Variants in ADGRG6 observed in about 807,000 individuals in gnomAD.
The protein encoded by ADGRG6 is G-protein coupled receptor 126.
In ADGRG6, 84 loss-of-function variants were observed where a neutral mutation model predicts 142.4. The ratio of observed to expected loss-of-function variants is 0.59; its 90% CI spans 0.49 to 0.71. The LOEUF (loss-of-function observed/expected upper bound fraction) is 0.71, where lower values mean the gene tolerates loss of function less well. Ranked by LOEUF, ADGRG6 falls within the 30% of genes least tolerant of loss-of-function variation. The pLI is 0.00. For synonymous variants in ADGRG6, 521 were observed against 520.5 expected, an observed-to-expected ratio of 1.00 and a Z score of -0.01; for missense variants, 1,367 against 1,466.6, an observed-to-expected ratio of 0.93 and a Z score of 1.11.
chr6:142,359,697 A>G (rs1005548478), intron 2 of ADGRG6, among the ~76,000 whole-genome samples: 8 of 152,232 alleles, frequency 5.3e-5, no homozygotes, highest in African/African-American at 1.9e-4. Flanking sequence ...CAGAGATTAT[A>G]TCTTGTACAT....
At chr6:142,434,626 G>T (rs1237118205) in intron 22 of ADGRG6, among the ~76,000 whole-genome samples, 1 of 152,078 alleles carries the variant, frequency 6.6e-6, no homozygotes, top group African/African-American at 2.4e-5. Flanking sequence ...CGGCCCTGAA[G>T]AACTTTTTAT....
At position 142,317,773 on chromosome 6, in the gene ADGRG6, C is replaced by CATATATATTTATATATAATATATATATT. The variant is rs1554230456; in HGVS notation, c.103+8147_103+8174dup. Among the ~76,000 whole-genome samples, 569 of 80,266 alleles carry CATATATATTTATATATAATATATATATT rather than the reference C, an allele frequency of 7.1e-3. 10 individuals carry two copies. Among genetic ancestry groups the CATATATATTTATATATAATATATATATT allele is most frequent in the African/African-American group, 0.023 (431 of 18,564 alleles). The allele number at this position is 80,266 out of a possible 152,430, so 52.7% of individuals were successfully genotyped here. A position where few individuals can be genotyped will look rare whatever the true frequency, so the allele number is the denominator to read the frequency against. ...ATATTTATATTATATATATTTATAT[C>CATATATATTTATATATAATATATATATT]ATATATATTTATATATAATATATAT... is the stretch of plus-strand genomic sequence containing the variant. On this transcript the variant is annotated intron_variant, in intron 2 of 24. Coordinates refer to ENST00000367609, the MANE Select transcript of ADGRG6 (RefSeq NM_198569.3).
At chr6:142,396,736 T>C (rs933866204) in intron 9 of ADGRG6, among the ~76,000 whole-genome samples, 2 of 152,172 alleles carry the variant, frequency 1.3e-5, no homozygotes, top group African/African-American at 2.4e-5. Flanking sequence ...TTTTTGTGAA[T>C]CCAGAGCTTT....
intron 9 of ADGRG6, among the ~76,000 whole-genome samples, 174 bp from the exon 10 acceptor site, chr6:142,397,438 AT>A (rs911238741): frequency 6.6e-6 from 1 of 152,176 alleles, no homozygotes; most frequent in African/African-American, 2.4e-5. Flanking sequence ...ATATTGGAAT[AT>A]TTTTAACATT....
intron 22 of ADGRG6, among the ~76,000 whole-genome samples, chr6:142,435,568 A>C (rs1294144165): frequency 6.7e-6 from 1 of 149,984 alleles, no homozygotes; most frequent in Non-Finnish European, 1.5e-5. Flanking sequence ...CAATTAACTC[A>C]TGTAGACTAC....
chr6:142,395,130 T>C (rs1583086384), intron 9 of ADGRG6, among the ~76,000 whole-genome samples: 1 of 152,158 alleles, frequency 6.6e-6, no homozygotes, highest in East Asian at 1.9e-4. Context: ...TATTGAAAGA[T>C]GTCATTTTTG....
intron 2 of ADGRG6, among the ~76,000 whole-genome samples, chr6:142,331,773 C>G (rs995616246): frequency 6.6e-6 from 1 of 151,998 alleles, no homozygotes; most frequent in Non-Finnish European, 1.5e-5. Flanking sequence ...TAGGAAAATA[C>G]GTGTCACTGC....
At chr6:142,317,882 A>G (rs1778201442) in intron 2 of ADGRG6, among the ~76,000 whole-genome samples, 1 of 78,874 alleles carries the variant, frequency 1.3e-5, no homozygotes, top group Non-Finnish European at 2.2e-5. Flanking sequence ...TATATTATAT[A>G]TATTTATATT....
chr6:142,378,457 C>T (rs1439989927), intron 4 of ADGRG6, among the ~76,000 whole-genome samples: 1 of 152,096 alleles, frequency 6.6e-6, no homozygotes, highest in Non-Finnish European at 1.5e-5. Context: ...GCGGAAGTCC[C>T]TTACAAAATA....
intron 2 of ADGRG6, among the ~76,000 whole-genome samples, chr6:142,327,454 T>C (rs1333503346): frequency 6.6e-6 from 1 of 152,120 alleles, no homozygotes; most frequent in Non-Finnish European, 1.5e-5. Flanking sequence ...AATACAGACA[T>C]AGAGTAAACC....
intron 6 of ADGRG6, 44 bp from the exon 7 acceptor site, chr6:142,390,214 T>G (rs372696965): frequency 1.9e-5 from 18 of 940,504 alleles, no homozygotes; most frequent in Non-Finnish European, 2.8e-5. Context: ...ATTATATAAC[T>G]ATAAACATAT....
At chr6:142,349,055 A>C (rs1780037561) in intron 2 of ADGRG6, among the ~76,000 whole-genome samples, 4 of 152,246 alleles carry the variant, frequency 2.6e-5, no homozygotes, top group Admixed American at 2.6e-4. Context: ...TAAGTGATCC[A>C]ATCTAGTTAG....
rs180692571 is a variant in ADGRG6, at chr6:142,317,566, A to G, written c.103+7922A>G. ...ATAAGTTACAGAGAACATAGAGTTA[A>G]TGTTGCTGTTCTTAGACTCATTTAA... On this transcript the variant is annotated intron_variant, in intron 2 of 24. Transcript: ENST00000367609. Among the ~76,000 whole-genome samples the G allele has an allele frequency of 2.8e-4, 42 of 149,352 alleles. No individual in the cohort carries two copies. The East Asian group carries it at 7.9e-3, about 28-fold the overall frequency.
chr6:142,386,787 C>T (rs1003015045), intron 6 of ADGRG6, among the ~76,000 whole-genome samples: 9 of 152,144 alleles, frequency 5.9e-5, no homozygotes, highest in Admixed American at 2.0e-4. Flanking sequence ...CTGGGCAGCT[C>T]GGGGCAGCAG....
At chr6:142,306,760 G>A (rs752542184) in intron 1 of ADGRG6, among the ~76,000 whole-genome samples, 3 of 152,026 alleles carry the variant, frequency 2.0e-5, no homozygotes, top group Non-Finnish European at 4.4e-5. Flanking sequence ...ATTCTTGGGA[G>A]ATAGTTATTT....
intron 2 of ADGRG6, among the ~76,000 whole-genome samples, chr6:142,318,326 A>G (rs1778330035): frequency 1.1e-5 from 1 of 91,490 alleles, no homozygotes; most frequent in South Asian, 2.6e-4. Context: ...TTTATATATT[A>G]TATATATTTA....
At chr6:142,423,437 C>G (rs1291790503) in intron 22 of ADGRG6, among the ~76,000 whole-genome samples, 1 of 152,042 alleles carries the variant, frequency 6.6e-6, no homozygotes, top group African/African-American at 2.4e-5. Context: ...ATCCTTTCCC[C>G]ATTGCTTGTT....
intron 2 of ADGRG6, among the ~76,000 whole-genome samples, chr6:142,360,964 C>G (rs1388077706): frequency 6.6e-6 from 1 of 152,160 alleles, no homozygotes; most frequent in Non-Finnish European, 1.5e-5. Flanking sequence ...TACATTTGCT[C>G]TCTAGCCCCT....
At chr6:142,310,976 AT>A (rs1777741115) in intron 2 of ADGRG6, among the ~76,000 whole-genome samples, 1 of 151,918 alleles carries the variant, frequency 6.6e-6, no homozygotes, top group Non-Finnish European at 1.5e-5. Context: ...TAGGTCATGT[AT>A]TTATATATTT....
Sources: allele counts gnomAD v4.1 joint callset (sites outside exome capture counted in the v4.1 genomes callset), GRCh38; gene constraint gnomAD v4.1.1; transcripts MANE v1.5; gene names NCBI Gene and HGNC (gene_info 2026-07-23, HGNC 2026-07-21).